The following CDH6 variants were observed in gnomAD, a reference collection of about 807,000 sequenced individuals.
The protein encoded by CDH6 is cadherin-6.
CDH6 carries 31 observed loss-of-function variants against 78.0 expected under a neutral mutation model. That is an observed-to-expected ratio of 0.40 (90% CI 0.30 to 0.54). The LOEUF is 0.54. Among genes scored for constraint, CDH6 ranks in the 20% least tolerant of loss-of-function variants. The pLI is 0.56. For synonymous variants in CDH6, 376 were observed against 368.8 expected (o/e 1.02, Z -0.23); for missense variants, 724 against 975.9 (o/e 0.74, Z 3.44).
chr5:31,285,960 T>C (rs1212365306), intron 2 of CDH6, among the ~76,000 whole-genome samples: 2 of 152,206 alleles, frequency 1.3e-5, no homozygotes, highest in African/African-American at 4.8e-5. Flanking sequence ...ATTGATAAAT[T>C]ATCTGGCAAT....
intron 1 of CDH6, among the ~76,000 whole-genome samples, chr5:31,235,704 A>G (rs1741438105): frequency 6.6e-6 from 1 of 152,218 alleles, no homozygotes; most frequent in African/African-American, 2.4e-5. Flanking sequence ...CAAATGAAAG[A>G]CAATCTCATT....
chr5:31,272,362 G>A (rs1048815609), intron 2 of CDH6, among the ~76,000 whole-genome samples: 3 of 152,144 alleles, frequency 2.0e-5, no homozygotes, highest in African/African-American at 7.2e-5. Flanking sequence ...AAATCCACTT[G>A]GGTTATCTTT....
intron 2 of CDH6, among the ~76,000 whole-genome samples, chr5:31,277,608 G>T (rs1301267663): frequency 6.6e-6 from 1 of 152,090 alleles, no homozygotes; most frequent in Non-Finnish European, 1.5e-5. Context: ...AATATATTGA[G>T]CAGTGTTTCA....
In CDH6 at chr5:31,204,896, T is replaced by C. The variant is rs565207708; in HGVS notation, c.-129+11010T>C. Reference sequence around the variant, plus strand: ...AGGAGATGCTGAGTTTGTCAAGTACTTTCCAATTTAGGTTTTACCTGATTG... The same window carrying C: ...AGGAGATGCTGAGTTTGTCAAGTACCTTCCAATTTAGGTTTTACCTGATTG... On this transcript the variant is annotated intron_variant, in intron 1 of 11. Coordinates refer to ENST00000265071, the MANE Select transcript of CDH6 (RefSeq NM_004932.4). Among the ~76,000 whole-genome samples, 10 of 152,340 alleles carry C rather than the reference T, an allele frequency of 6.6e-5. No homozygotes were observed. In the South Asian group the frequency reaches 2.1e-3, roughly 32 times the overall value.
At chr5:31,194,846 G>A (rs1740119724) in intron 1 of CDH6, among the ~76,000 whole-genome samples, 1 of 152,104 alleles carries the variant, frequency 6.6e-6, no homozygotes, top group South Asian at 2.1e-4. Context: ...TACTTCTTCC[G>A]TAGTTAGATA....
chr5:31,197,440 TA>T (rs1740199282), intron 1 of CDH6, among the ~76,000 whole-genome samples: 1 of 152,202 alleles, frequency 6.6e-6, no homozygotes, highest in Non-Finnish European at 1.5e-5. Context: ...CTTATAAAAA[TA>T]ACAAGCAGTG....
At chr5:31,211,838 A>G (rs1740716453) in intron 1 of CDH6, among the ~76,000 whole-genome samples, 1 of 152,088 alleles carries the variant, frequency 6.6e-6, no homozygotes, top group African/African-American at 2.4e-5. Flanking sequence ...TAGGACAAAT[A>G]TGTTTTGTTT....
chr5:31,235,580 C>T (rs983679084), intron 1 of CDH6, among the ~76,000 whole-genome samples: 5 of 152,136 alleles, frequency 3.3e-5, no homozygotes, highest in East Asian at 3.8e-4. Context: ...CAGGAAACAG[C>T]GAATGTTATG....
chr5:31,282,038 G>A (rs1742879177), intron 2 of CDH6, among the ~76,000 whole-genome samples: 1 of 152,204 alleles, frequency 6.6e-6, no homozygotes, highest in African/African-American at 2.4e-5. Flanking sequence ...GGAAGGGTTA[G>A]TTTTCCTCCC....
At chr5:31,233,333 C>T (rs1424555263) in intron 1 of CDH6, among the ~76,000 whole-genome samples, 1 of 119,032 alleles carries the variant, frequency 8.4e-6, no homozygotes, top group Non-Finnish European at 1.8e-5. Flanking sequence ...ATGGCAATGC[C>T]CCGTCTCTAC....
chr5:31,302,350 A>T, intron 6 of CDH6, 52 bp downstream of exon 6: 1 of 1,312,592 alleles, frequency 7.6e-7, no homozygotes, highest in Non-Finnish European at 1.1e-6. Context: ...ACTTTTCTCC[A>T]GTTCCTAAGT....
At chr5:31,264,395 C>A (rs1455352859) in intron 1 of CDH6, among the ~76,000 whole-genome samples, 1 of 152,052 alleles carries the variant, frequency 6.6e-6, no homozygotes, top group African/African-American at 2.4e-5. Context: ...CTCATTTAAT[C>A]CTTATAACAC....
At position 31,307,819 on chromosome 5, in the gene CDH6, A is replaced by G. The variant is rs73089389; in HGVS notation, c.1253+2392A>G. ...TTGCGAATTCAGGCAATATATTTCC[A>G]TATCTATATTACTTTTCATACCAAA... On this transcript the variant is annotated intron_variant, in intron 7 of 11. Coordinates refer to ENST00000265071, the MANE Select transcript of CDH6 (RefSeq NM_004932.4). Among the ~76,000 whole-genome samples the G allele has an allele frequency of 9.9e-3, 1,507 of 152,302 alleles. 29 individuals are homozygous for G. Among genetic ancestry groups the G allele is most frequent in the African/African-American group, 0.035 (1,436 of 41,570 alleles).
At chr5:31,254,439 C>A (rs1291241274) in intron 1 of CDH6, among the ~76,000 whole-genome samples, 1 of 152,152 alleles carries the variant, frequency 6.6e-6, no homozygotes, top group Non-Finnish European at 1.5e-5. Flanking sequence ...GAAATTTGTG[C>A]TAGTTTTGCT....
rs998790360 is a variant in CDH6, at chr5:31,327,243, T to C, written c.*3935T>C. On this transcript the variant is annotated 3_prime_UTR_variant, in exon 12 of 12. Coordinates refer to ENST00000265071, the MANE Select transcript of CDH6 (RefSeq NM_004932.4). ...TATGCAGTTGAAAAGAAAATCAAAG[T>C]TGATTCCTGGGTGCCAACTAAATAT... 1 of 187,720 alleles carries C rather than the reference T, an allele frequency of 5.3e-6. No homozygotes were observed. The highest frequency in any genetic ancestry group is 1.1e-5 in the Non-Finnish European group (1 of 89,056). 11.6% of individuals were successfully genotyped at this position (187,720 alleles called of 1,614,324 possible). A position where few individuals can be genotyped will look rare whatever the true frequency, so the allele number is the denominator to read the frequency against.
At chr5:31,280,058 C>T (rs538719377) in intron 2 of CDH6, among the ~76,000 whole-genome samples, 1 of 152,102 alleles carries the variant, frequency 6.6e-6, no homozygotes, top group Non-Finnish European at 1.5e-5. Context: ...CAGTAGACAT[C>T]GCTTCCCTGA....
intron 1 of CDH6, among the ~76,000 whole-genome samples, chr5:31,242,702 G>T (rs1172606086): frequency 7.2e-5 from 5 of 69,836 alleles, no homozygotes; most frequent in African/African-American, 2.4e-4. Context: ...GAATAAGAAT[G>T]GGGGGGGGCG....
At chr5:31,302,804 GAAAGAAAGAA>G (rs1737826145) in intron 6 of CDH6, among the ~76,000 whole-genome samples, 13 of 88,460 alleles carry the variant, frequency 1.5e-4, no homozygotes, top group Admixed American at 8.2e-4. Context: ...GAGAGAGAAA[GAAAGAAAGAA>G]AGAAAGAAAG....
intron 11 of CDH6, 41 bp downstream of exon 11, chr5:31,317,965 G>A (rs368936412): frequency 2.5e-6 from 4 of 1,602,782 alleles, no homozygotes; most frequent in Non-Finnish European, 2.5e-6. Flanking sequence ...CCATGGTGAG[G>A]GGCTCACACT....
Sources: allele counts gnomAD v4.1 joint callset (sites outside exome capture counted in the v4.1 genomes callset), GRCh38; gene constraint gnomAD v4.1.1; transcripts MANE v1.5; gene names NCBI Gene and HGNC (gene_info 2026-07-23, HGNC 2026-07-21).